Variants in ADAMTSL1 observed in about 807,000 individuals in gnomAD.
ADAMTSL1 encodes ADAMTS-like protein 1.
A neutral mutation model predicts 201.8 loss-of-function variants in ADAMTSL1; 126 were observed. The ratio of observed to expected loss-of-function variants is 0.62; its 90% CI spans 0.54 to 0.72. The LOEUF (loss-of-function observed/expected upper bound fraction) is 0.72, where lower values mean the gene tolerates loss of function less well. Among genes scored for constraint, ADAMTSL1 ranks in the 30% least tolerant of loss-of-function variants. The pLI is 0.00. For missense variants in ADAMTSL1, 2,679 were observed against 2,277.8 expected (o/e 1.18, Z -3.59); for synonymous variants, 1,121 against 903.4 (o/e 1.24, Z -4.32).
chr9:18,660,256 T>C (rs1828994241), intron 8 of ADAMTSL1, among the ~76,000 whole-genome samples: 1 of 152,228 alleles, frequency 6.6e-6, no homozygotes, highest in African/African-American at 2.4e-5. Flanking sequence ...TATTTTGAAA[T>C]GTACTGAAGT....
chr9:18,620,205 T>TG (rs1825953780), intron 4 of ADAMTSL1, among the ~76,000 whole-genome samples: 1 of 152,214 alleles, frequency 6.6e-6, no homozygotes, highest in East Asian at 1.9e-4. Flanking sequence ...CTTGCCTCCC[T>TG]AATCAAATTG....
At chr9:18,176,283 G>A (rs1441079047) in intron 2 of ADAMTSL1, among the ~76,000 whole-genome samples, 1 of 152,076 alleles carries the variant, frequency 6.6e-6, no homozygotes, top group African/African-American at 2.4e-5. Context: ...CCATGGAACA[G>A]AATCTTAAGC....
chr9:18,505,502 G>C (rs991061544), intron 2 of ADAMTSL1, among the ~76,000 whole-genome samples: 6 of 152,206 alleles, frequency 3.9e-5, no homozygotes, highest in Admixed American at 2.0e-4. Flanking sequence ...ATTGGGTCAG[G>C]AATAGTGAAA....
chr9:18,095,003 C>T (rs528307947), intron 1 of ADAMTSL1, among the ~76,000 whole-genome samples: 1 of 152,310 alleles, frequency 6.6e-6, no homozygotes, highest in South Asian at 2.1e-4. Flanking sequence ...TTTTACCTGC[C>T]TTCTTCCTTC....
At chr9:18,252,386 TG>T (rs1467967861) in intron 2 of ADAMTSL1, among the ~76,000 whole-genome samples, 2 of 152,150 alleles carry the variant, frequency 1.3e-5, no homozygotes, top group Non-Finnish European at 2.9e-5. Context: ...TGTTATCCAT[TG>T]GGGGTTGGTT....
intron 2 of ADAMTSL1, among the ~76,000 whole-genome samples, chr9:18,350,474 A>T (rs926682739): frequency 1.3e-5 from 2 of 152,052 alleles, no homozygotes; most frequent in African/African-American, 2.4e-5. Context: ...GTGAAGGTGA[A>T]TTGGCTGCAT....
intron 1 of ADAMTSL1, among the ~76,000 whole-genome samples, chr9:17,982,426 A>G (rs897176669): frequency 3.3e-5 from 5 of 152,108 alleles, no homozygotes; most frequent in African/African-American, 4.8e-5. Context: ...CAGGCTGGCC[A>G]ACATGGTGAA....
At chr9:18,175,229 T>A (rs1207547314) in intron 2 of ADAMTSL1, among the ~76,000 whole-genome samples, 1 of 152,196 alleles carries the variant, frequency 6.6e-6, no homozygotes, top group East Asian at 1.9e-4. Context: ...ATGTTCTGGA[T>A]GATCTTGAAC....
chr9:18,257,275 C>T (rs1831724976), intron 2 of ADAMTSL1, among the ~76,000 whole-genome samples: 2 of 152,010 alleles, frequency 1.3e-5, no homozygotes, highest in South Asian at 2.1e-4. Context: ...GAGTATCTTG[C>T]TACAGAATGG....
At chr9:18,210,799 C>G (rs1350993691) in intron 2 of ADAMTSL1, among the ~76,000 whole-genome samples, 2 of 151,272 alleles carry the variant, frequency 1.3e-5, no homozygotes, top group South Asian at 2.1e-4. Flanking sequence ...TTCACAATAT[C>G]TCCTGATGCT....
At chr9:18,278,819 A>G (rs148967358) in intron 2 of ADAMTSL1, among the ~76,000 whole-genome samples, 2 of 152,030 alleles carry the variant, frequency 1.3e-5, no homozygotes, top group Non-Finnish European at 2.9e-5. Flanking sequence ...GTGTCTCATA[A>G]GTTCTCTAGG....
chr9:18,618,741 G>T (rs1391409414), intron 4 of ADAMTSL1, among the ~76,000 whole-genome samples: 1 of 152,146 alleles, frequency 6.6e-6, no homozygotes, highest in Non-Finnish European at 1.5e-5. Flanking sequence ...AAGGCAGAGG[G>T]CAGAAAAGGC....
At chr9:18,439,756 G>T (rs562146725) in intron 2 of ADAMTSL1, among the ~76,000 whole-genome samples, 1 of 152,310 alleles carries the variant, frequency 6.6e-6, no homozygotes, top group Non-Finnish European at 1.5e-5. Flanking sequence ...GCTCTTGAAT[G>T]CTTTATCAGT....
intron 2 of ADAMTSL1, among the ~76,000 whole-genome samples, chr9:18,244,873 C>T (rs901288655): frequency 6.6e-6 from 1 of 152,122 alleles, no homozygotes; most frequent in Non-Finnish European, 1.5e-5. Flanking sequence ...GCAGGAACTA[C>T]ATATACTCTA....
chr9:17,977,532 G>A (rs1012713373), intron 1 of ADAMTSL1, among the ~76,000 whole-genome samples: 1 of 151,938 alleles, frequency 6.6e-6, no homozygotes, highest in Non-Finnish European at 1.5e-5. Flanking sequence ...TTGGTTCTAT[G>A]TTTCTTGAAA....
At chr9:18,701,869 G>C (rs887835070) in intron 13 of ADAMTSL1, among the ~76,000 whole-genome samples, 2 of 152,084 alleles carry the variant, frequency 1.3e-5, no homozygotes, top group Non-Finnish European at 2.9e-5. Context: ...GAAAGTAATA[G>C]GATAAAAGGA....
chr9:18,592,196 A>G (rs1179780853), intron 4 of ADAMTSL1, among the ~76,000 whole-genome samples: 1 of 151,988 alleles, frequency 6.6e-6, no homozygotes, highest in Admixed American at 6.6e-5. Flanking sequence ...TTTTGGTGCA[A>G]GTTTGGTTTT....
intron 21 of ADAMTSL1, among the ~76,000 whole-genome samples, chr9:18,824,476 T>C (rs2131227161): frequency 6.6e-6 from 1 of 152,294 alleles, no homozygotes; most frequent in South Asian, 2.1e-4. Flanking sequence ...CCTGCCTCTC[T>C]TTCTCTAGCC....
intron 15 of ADAMTSL1, among the ~76,000 whole-genome samples, chr9:18,724,195 C>T (rs1345764683): frequency 6.6e-6 from 1 of 152,202 alleles, no homozygotes; most frequent in East Asian, 1.9e-4. Flanking sequence ...TGAGAGGTCA[C>T]CCCCTGGTTA....
Sources: gnomAD v4.1 joint callset for allele counts (sites outside exome capture counted in the v4.1 genomes callset) on GRCh38, gnomAD v4.1.1 for gene constraint, MANE v1.5 for transcripts, NCBI Gene and HGNC (gene_info 2026-07-23, HGNC 2026-07-21) for gene names.